Variants in TRIM32 observed in about 807,000 individuals in gnomAD.
TRIM32 encodes the protein tripartite motif containing 32.
A neutral mutation model predicts 36.0 loss-of-function variants in TRIM32; 19 were observed. The ratio of observed to expected loss-of-function variants is 0.53; its 90% CI spans 0.37 to 0.77. The LOEUF is 0.77. TRIM32 is among the 30% of genes least tolerant of loss of function. The probability of loss-of-function intolerance (pLI) is 0.00; values close to 1 mark genes in which losing one functional copy is unlikely to be tolerated. For synonymous variants in TRIM32, 309 were observed against 318.5 expected (o/e 0.97, Z 0.32); for missense variants, 747 against 845.2 (o/e 0.88, Z 1.44).
In TRIM32 at chr9:116,689,587, G is replaced by A. The variant is rs934487347; in HGVS notation, c.-82+2206G>A. On this transcript the variant is annotated intron_variant, in intron 1 of 1. Transcript: ENST00000450136. ...CTCATACCCAGATCTCTGTAACTCC[G>A]TATATTCCCGCTTTCCTTGCTTCTT... Among the ~76,000 whole-genome samples, 5 of 152,138 alleles carry A rather than the reference G, an allele frequency of 3.3e-5. 1 individual carries two copies. The South Asian group carries it at 6.2e-4, about 19-fold the overall frequency.
chr9:116,698,472 G>T lies in TRIM32; in HGVS notation c.730G>T (p.Ala244Ser). 6.2e-7 allele frequency: 1 copy of T among 1,613,876 alleles called. No individual in the cohort carries two copies. Among genetic ancestry groups the T allele is most frequent in the Non-Finnish European group, 8.5e-7 (1 of 1,180,000 alleles). The change falls in exon 2 of 2, where the codon GCC (alanine) becomes TCC (serine). Residue 244 changes from alanine to serine, a missense_variant. Coordinates refer to ENST00000450136, the MANE Select transcript of TRIM32 (RefSeq NM_012210.4). This position sits in a 1 kb window ranked among gnomAD's most constrained non-coding sequence, Gnocchi z 4.4. ...QAVSRCDYFL[A>S]KIKQADVALL... ...TGTGTCTCGCTGTGACTACTTCCTG[G>T]CCAAGATCAAGCAGGCAGATGTAGC... is the stretch of plus-strand genomic sequence containing the variant.
intron 1 of TRIM32, among the ~76,000 whole-genome samples, chr9:116,694,464 T>TTTTTTA: frequency 7.7e-6 from 1 of 130,428 alleles, no homozygotes; most frequent in Non-Finnish European, 1.6e-5. Context: ...TTTCTCTTTT[T>TTTTTTA]TTTTTTTTTT....
rs1191666312 is a variant in TRIM32 at position 116,698,660 on chromosome 9, C to G, written c.918C>G (p.Ser306=). ...CCCGGACAGTTAACGTGGAAGATTC[C>G]TGGGCCATGGAGGCCACAGCGTCTG... ...KKPRTVNVED[S]WAMEATASAA... is the part of the protein sequence containing the mutation. The change falls in exon 2 of 2, where the codon TCC becomes TCG. Residue 306 remains serine, a synonymous_variant. Transcript: ENST00000450136. The surrounding 1 kb of genome is among the most constrained non-coding windows in gnomAD (Gnocchi z 4.4). 1.2e-6 allele frequency: 2 copies of G among 1,614,176 alleles called. No homozygotes were observed. The highest frequency in any genetic ancestry group is 8.5e-7 in the Non-Finnish European group (1 of 1,180,034).
chr9:116,687,945 A>G (rs1174858809), intron 1 of TRIM32, among the ~76,000 whole-genome samples: 2 of 151,930 alleles, frequency 1.3e-5, no homozygotes, highest in East Asian at 3.9e-4. Flanking sequence ...GAGGGACTCT[A>G]TCTTGTTAGC....
At chr9:116,692,021 C>A (rs1350292108) in intron 1 of TRIM32, among the ~76,000 whole-genome samples, 1 of 152,166 alleles carries the variant, frequency 6.6e-6, no homozygotes, top group East Asian at 1.9e-4. Flanking sequence ...CTGGTTTTTG[C>A]TCAAAATTGT....
chr9:116,696,950 T>TA (rs11400163), intron 1 of TRIM32, among the ~76,000 whole-genome samples: 60,998 of 136,862 alleles, frequency 0.45, 13,848 homozygotes, highest in Admixed American at 0.52. Flanking sequence ...GTGACATGAT[T>TA]AAAAAAAAAA....
chr9:116,694,757 C>T (rs1860758120), intron 1 of TRIM32, among the ~76,000 whole-genome samples: 1 of 151,924 alleles, frequency 6.6e-6, no homozygotes. Flanking sequence ...AGGCATGAGC[C>T]ACCACGCCTG....
At position 116,698,422 on chromosome 9, in the gene TRIM32, T is replaced by G; in HGVS notation, c.680T>G (p.Leu227Arg). 1 of 1,614,112 alleles carries G rather than the reference T, an allele frequency of 6.2e-7. No homozygotes were observed. Among genetic ancestry groups the G allele is most frequent in the Non-Finnish European group, 8.5e-7 (1 of 1,180,026 alleles). Residue 227 changes from leucine (L) to arginine (R), a missense_variant, in exon 2 of 2, where the codon CTG becomes CGG. Transcript: ENST00000450136. The surrounding 1 kb of genome is among the most constrained non-coding windows in gnomAD (Gnocchi z 4.4). ...CAAGTGGTAGAGGAGCAGAGTTACC[T>G]GCTTAACATTGCAGAGGTGCAGGCT... is the stretch of plus-strand genomic sequence containing the variant. ...NSQVVEEQSYLLNIAEVQAVS... is the reference protein window; with the variant it reads ...NSQVVEEQSYRLNIAEVQAVS...
chr9:116,697,229 T>C (rs1860907424), intron 1 of TRIM32: 1 of 161,494 alleles, frequency 6.2e-6, no homozygotes, highest in South Asian at 1.7e-4. Flanking sequence ...ATTCACCAAA[T>C]ATGAAAATAA....
At position 116,699,786 on chromosome 9, in the gene TRIM32, A is replaced by G; in HGVS notation, c.*82A>G. 9 of 1,587,262 alleles carry G rather than the reference A, an allele frequency of 5.7e-6. No homozygotes were observed. Among genetic ancestry groups the G allele is most frequent in the Non-Finnish European group, 7.8e-6 (9 of 1,157,782 alleles). Reference sequence around the variant, plus strand: ...CTTGGTTGTTAGTGGCACATGCAGAATAGACTCAGCCTATGTCCTGATTCC... The same window carrying G: ...CTTGGTTGTTAGTGGCACATGCAGAGTAGACTCAGCCTATGTCCTGATTCC... On this transcript the variant is annotated 3_prime_UTR_variant, in exon 2 of 2. Coordinates refer to ENST00000450136, the MANE Select transcript of TRIM32 (RefSeq NM_012210.4). This position sits in a 1 kb window ranked among gnomAD's most constrained non-coding sequence, Gnocchi z 4.2.
chr9:116,696,171 C>T (rs190204413), intron 1 of TRIM32, among the ~76,000 whole-genome samples: 333 of 152,264 alleles, frequency 2.2e-3, no homozygotes, highest in African/African-American at 7.7e-3. Context: ...GCTCAAAAAT[C>T]TCATTTTGGC....
chr9:116,698,898 C>G lies in TRIM32; in HGVS notation c.1156C>G (p.Leu386Val), dbSNP rs1409379744. 1.2e-6 allele frequency: 2 copies of G among 1,614,244 alleles called. No homozygotes were observed. The highest frequency in any genetic ancestry group is 1.7e-6 in the Non-Finnish European group (2 of 1,180,048). Residue 386 changes from leucine (L) to valine (V), a missense_variant, in exon 2 of 2, where the codon CTA (leucine) becomes GTA (valine). Leu to Val is a conservative substitution (Grantham distance 32, BLOSUM62 1). Transcript: ENST00000450136. The surrounding 1 kb of genome is among the most constrained non-coding windows in gnomAD (Gnocchi z 4.4). The stretch of plus-strand genomic sequence containing the variant: ...CTACGTGACCAGTCAAGGTGAAGTA[C>G]TAGTCGCTGACCGTGGTAACTATCG... ...SLYVTSQGEV[L>V]VADRGNYRIQ...
Position 116,697,764 on chromosome 9 carries a change from C to T in TRIM32, c.22C>T (p.His8Tyr), listed in dbSNP as rs947063278. The T allele has an allele frequency of 1.2e-6, 2 of 1,614,014 alleles. No homozygotes were observed. Among genetic ancestry groups the T allele is most frequent in the African/African-American group, 1.3e-5 (1 of 74,942 alleles). Reference sequence around the variant, plus strand: ...AGCAATGGCTGCAGCAGCAGCTTCTCACCTGAACCTGGATGCCCTCCGGGA... The same window carrying T: ...AGCAATGGCTGCAGCAGCAGCTTCTTACCTGAACCTGGATGCCCTCCGGGA... MAAAAAS[H>Y]LNLDALREVL... is the part of the protein sequence containing the mutation. Residue 8 changes from histidine to tyrosine, a missense_variant, in exon 2 of 2, where the codon CAC (histidine) becomes TAC (tyrosine). Transcript: ENST00000450136.
intron 1 of TRIM32, among the ~76,000 whole-genome samples, chr9:116,693,458 C>T (rs900279804): frequency 1.3e-5 from 2 of 152,104 alleles, no homozygotes; most frequent in African/African-American, 4.8e-5. Flanking sequence ...TGTAATTTTT[C>T]TGAGTCTTAG....
In TRIM32 at chr9:116,699,338, C is replaced by G; in HGVS notation, c.1596C>G (p.Gly532=). The G allele has an allele frequency of 6.2e-7, 1 of 1,614,198 alleles. No individual in the cohort carries two copies. The highest frequency in any genetic ancestry group is 8.5e-7 in the Non-Finnish European group (1 of 1,180,036). The change falls in exon 2 of 2, where the codon GGC becomes GGG. Residue 532 remains glycine (G), a synonymous_variant. Transcript: ENST00000450136. The surrounding 1 kb of genome is among the most constrained non-coding windows in gnomAD (Gnocchi z 4.2). The part of the protein sequence containing the change: ...DAEGTVYFTQ[G]LGLNLENRQN... Reference sequence around the variant, plus strand: ...AGGGCACCGTCTACTTCACCCAGGGCTTAGGCCTCAATCTGGAGAATCGGC... The same window carrying G: ...AGGGCACCGTCTACTTCACCCAGGGGTTAGGCCTCAATCTGGAGAATCGGC...
chr9:116,698,939 C>A lies in TRIM32; in HGVS notation c.1197C>A (p.Thr399=), dbSNP rs779442616. Residue 399 remains threonine, a synonymous_variant, in exon 2 of 2, where the codon ACC becomes ACA. Coordinates refer to ENST00000450136, the MANE Select transcript of TRIM32 (RefSeq NM_012210.4). This position sits in a 1 kb window ranked among gnomAD's most constrained non-coding sequence, Gnocchi z 4.4. ...DRGNYRIQVF[T]RKGFLKEIRR... is the part of the protein sequence containing the mutation. ...GTAACTATCGTATACAAGTCTTTAC[C>A]CGCAAAGGCTTTTTGAAGGAAATCC... The A allele has an allele frequency of 2.5e-6, 4 of 1,614,190 alleles. No individual in the cohort carries two copies. Among genetic ancestry groups the A allele is most frequent in the Middle Eastern group, 1.6e-4 (1 of 6,062 alleles).
At chr9:116,692,353 C>T (rs1159239077) in intron 1 of TRIM32, among the ~76,000 whole-genome samples, 1 of 152,144 alleles carries the variant, frequency 6.6e-6, no homozygotes, top group Non-Finnish European at 1.5e-5. Flanking sequence ...CTATTCATTT[C>T]TTCTAATAGG....
Position 116,687,333 on chromosome 9 carries a change from A to AGGCGGGTGGGCTGCC in TRIM32, c.-124_-110dup. 1.1e-6 allele frequency: 1 copy of AGGCGGGTGGGCTGCC among 927,958 alleles called. No individual in the cohort carries two copies. The highest frequency in any genetic ancestry group is 1.3e-6 in the Non-Finnish European group (1 of 786,122). 57.5% of individuals were successfully genotyped at this position (927,958 alleles called of 1,614,324 possible). A position where few individuals can be genotyped will look rare whatever the true frequency, so the allele number is the denominator to read the frequency against. ...CAACGGCGCGTGCGCAGAGGGAGGC[A>AGGCGGGTGGGCTGCC]GGCGGGTGGGCTGCCGGCGGTGGAC... On this transcript the variant is annotated 5_prime_UTR_variant, in exon 1 of 2. Coordinates refer to ENST00000450136, the MANE Select transcript of TRIM32 (RefSeq NM_012210.4).
intron 1 of TRIM32, among the ~76,000 whole-genome samples, chr9:116,693,060 G>T (rs1000579634): frequency 6.6e-6 from 1 of 152,056 alleles, no homozygotes; most frequent in African/African-American, 2.4e-5. Context: ...TGAAAGGAAA[G>T]GTTGTTCATG....
Sources: gnomAD v4.1 joint callset for allele counts (sites outside exome capture counted in the v4.1 genomes callset) on GRCh38, gnomAD v4.1.1 for gene constraint, Gnocchi (gnomAD v3.1) non-coding constraint, MANE v1.5 for transcripts, NCBI Gene and HGNC (gene_info 2026-07-23, HGNC 2026-07-21) for gene names.